KLRF2: variants seen among roughly 807,000 people sequenced by gnomAD.
KLRF2 encodes killer cell lectin-like receptor subfamily F member 2.
KLRF2 carries 28 observed loss-of-function variants against 25.3 expected under a neutral mutation model. That is an observed-to-expected ratio of 1.11 (90% CI 0.82 to 1.52). KLRF2 has a LOEUF of 1.52. Among genes scored for constraint, KLRF2 ranks in the 40% most tolerant of loss-of-function variants. The pLI is 0.00. For synonymous variants in KLRF2, 73 were observed against 85.0 expected (o/e 0.86, Z 0.78); for missense variants, 265 against 245.8 (o/e 1.08, Z -0.52).
intron 3 of KLRF2, 78 bp from the exon 4 acceptor site, chr12:9,892,942 G>A (rs1380912908): frequency 8.8e-7 from 1 of 1,131,994 alleles, no homozygotes; most frequent in Non-Finnish European, 1.2e-6. Context: ...TATTTTCCAA[G>A]TAGTCACATT....
intron 5 of KLRF2, among the ~76,000 whole-genome samples, chr12:9,894,009 T>A (rs1006331763): frequency 3.3e-5 from 5 of 152,072 alleles, no homozygotes; most frequent in African/African-American, 1.2e-4. Context: ...CTTGTTGATA[T>A]CCATTTCTTT....
chr12:9,889,157 A>C (rs1463760631), intron 3 of KLRF2, among the ~76,000 whole-genome samples: 4 of 152,170 alleles, frequency 2.6e-5, no homozygotes, highest in African/African-American at 9.7e-5. Context: ...GAATCAAGAG[A>C]TTTCAGCCAA....
At chr12:9,891,917 C>A (rs1397315173) in intron 3 of KLRF2, among the ~76,000 whole-genome samples, 1 of 152,040 alleles carries the variant, frequency 6.6e-6, no homozygotes, top group Admixed American at 6.5e-5. Context: ...GAAAATATGA[C>A]ATGTTTTAAC....
At position 9,893,601 on chromosome 12, in the gene KLRF2, C is replaced by T. The variant is rs537036924; in HGVS notation, c.479+60C>T. ...TTTATAGAATTATTTTTATATTAAACTTCTTCACTTTCCATTCTTTTTTCC... is the reference window on the plus strand; with the variant it reads ...TTTATAGAATTATTTTTATATTAAATTTCTTCACTTTCCATTCTTTTTTCC... On this transcript the variant is annotated intron_variant, in intron 5 of 5. Transcript: ENST00000535540. The T allele has an allele frequency of 3.1e-4, 177 of 576,460 alleles. No individual in the cohort carries two copies. In the African/African-American group the frequency reaches 3.2e-3, roughly 10 times the overall value. The allele number at this position is 576,460 out of a possible 1,614,324, so 35.7% of individuals were successfully genotyped here.
intron 3 of KLRF2, among the ~76,000 whole-genome samples, chr12:9,890,118 C>T (rs571281393): frequency 2.0e-5 from 3 of 152,226 alleles, no homozygotes; most frequent in South Asian, 2.1e-4. Context: ...AAAGTAGTGA[C>T]TAGATATTAT....
At chr12:9,893,391 A>T (rs751667653) in intron 4 of KLRF2, 38 bp from the exon 5 acceptor site, 41 of 1,058,554 alleles carry the variant, frequency 3.9e-5, no homozygotes, top group Non-Finnish European at 5.5e-5. Context: ...AAATTTTTTT[A>T]AACAAATGAA....
Position 9,885,737 on chromosome 12 carries a change from T to C in KLRF2, c.169+705T>C, listed in dbSNP as rs866484342. Among the ~76,000 whole-genome samples, 6 of 152,184 alleles carry C rather than the reference T, an allele frequency of 3.9e-5. No homozygotes were observed. The South Asian group carries it at 1.2e-3, about 31-fold the overall frequency. On this transcript the variant is annotated intron_variant, in intron 2 of 5. Coordinates refer to ENST00000535540, the MANE Select transcript of KLRF2 (RefSeq NM_001190765.1). ...GACCAAAGATATATCCTACTTAATG[T>C]ATTTTTTCTCTAAATATCAATCATA... is the stretch of plus-strand genomic sequence containing the variant.
At chr12:9,894,495 T>C (rs537762260) in intron 5 of KLRF2, among the ~76,000 whole-genome samples, 2 of 152,300 alleles carry the variant, frequency 1.3e-5, no homozygotes, top group African/African-American at 4.8e-5. Flanking sequence ...TACCTGCTTC[T>C]TTATCTGTAT....
chr12:9,893,067 T>C lies in KLRF2; in HGVS notation c.265T>C (p.Cys89Arg), dbSNP rs1221806869. The C allele has an allele frequency of 2.6e-6, 4 of 1,535,716 alleles. No homozygotes were observed. The highest frequency in any genetic ancestry group is 3.5e-6 in the Non-Finnish European group (4 of 1,146,706). Residue 89 changes from cysteine to arginine, a missense_variant, in exon 4 of 6, where the codon TGT becomes CGT. Cys to Arg is a radical substitution (Grantham distance 180, BLOSUM62 -3). Coordinates refer to ENST00000535540, the MANE Select transcript of KLRF2 (RefSeq NM_001190765.1). ...PNDWLLNEGK[C>R]YWFSTSFKTW... ...TGACTGGCTGTTGAACGAAGGGAAA[T>C]GTTACTGGTTTTCAACTTCTTTTAA...
chr12:9,890,175 G>A (rs750451455), intron 3 of KLRF2, among the ~76,000 whole-genome samples: 12 of 152,038 alleles, frequency 7.9e-5, no homozygotes, highest in Non-Finnish European at 1.5e-4. Context: ...TATAGCTAAA[G>A]GCTCGTTTTG....
Position 9,888,773 on chromosome 12 carries a change from T to C in KLRF2, c.210T>C (p.Ser70=). The C allele has an allele frequency of 1.3e-6, 2 of 1,500,818 alleles. No homozygotes were observed. The highest frequency in any genetic ancestry group is 1.7e-4 in the Middle Eastern group (1 of 5,896). The allele number at this position is 1,500,818 out of a possible 1,614,324, so 93.0% of individuals were successfully genotyped here. ...MDFSQNVNVS[S]LSGHNYLCPN... ...TCTCCCAGAATGTAAACGTCAGCAGTCTATCAGGTAATACTCTTTTTGTTT... is the reference window on the plus strand; with the variant it reads ...TCTCCCAGAATGTAAACGTCAGCAGCCTATCAGGTAATACTCTTTTTGTTT... Residue 70 remains serine, a synonymous_variant, in exon 3 of 6, where the codon AGT becomes AGC. Coordinates refer to ENST00000535540, the MANE Select transcript of KLRF2 (RefSeq NM_001190765.1).
intron 3 of KLRF2, among the ~76,000 whole-genome samples, chr12:9,891,245 A>T (rs1862673244): frequency 6.7e-6 from 1 of 148,358 alleles, no homozygotes; most frequent in Admixed American, 6.8e-5. Flanking sequence ...TGTTATTATT[A>T]TCTAAAGCAT....
intron 3 of KLRF2, among the ~76,000 whole-genome samples, chr12:9,889,549 T>C (rs1862647899): frequency 6.6e-6 from 1 of 152,056 alleles, no homozygotes; most frequent in Non-Finnish European, 1.5e-5. Flanking sequence ...TTTTCCTGGG[T>C]TTTCATCCTG....
In KLRF2 at chr12:9,893,065, A is replaced by G; in HGVS notation, c.263A>G (p.Lys88Arg). 1 of 1,535,870 alleles carries G rather than the reference A, an allele frequency of 6.5e-7. No individual in the cohort carries two copies. ...CPNDWLLNEG[K>R]CYWFSTSFKT... ...AATGACTGGCTGTTGAACGAAGGGA[A>G]ATGTTACTGGTTTTCAACTTCTTTT... is the stretch of plus-strand genomic sequence containing the variant. Residue 88 changes from lysine (K) to arginine (R), a missense_variant, in exon 4 of 6, where the codon AAA becomes AGA. Lys to Arg is a conservative substitution (Grantham distance 26, BLOSUM62 2). Transcript: ENST00000535540.
intron 3 of KLRF2, among the ~76,000 whole-genome samples, chr12:9,889,746 C>A (rs529162131): frequency 1.5e-3 from 221 of 151,684 alleles, no homozygotes; most frequent in African/African-American, 4.9e-3. Flanking sequence ...AACTCCAATA[C>A]GGTAATACAG....
rs1162515149 is a variant in KLRF2 at position 9,890,598 on chromosome 12, T to C, written c.217+1818T>C. ...AATTCTTTAAAGGCAACAGGAGTTATCTCTCTCTTCAGGAAAGGCCTCAAC... is the reference window on the plus strand; with the variant it reads ...AATTCTTTAAAGGCAACAGGAGTTACCTCTCTCTTCAGGAAAGGCCTCAAC... On this transcript the variant is annotated intron_variant, in intron 3 of 5. Coordinates refer to ENST00000535540, the MANE Select transcript of KLRF2 (RefSeq NM_001190765.1). Among the ~76,000 whole-genome samples, 5 of 152,204 alleles carry C rather than the reference T, an allele frequency of 3.3e-5. No individual in the cohort carries two copies. In the East Asian group the frequency reaches 9.6e-4, roughly 29 times the overall value.
intron 5 of KLRF2, among the ~76,000 whole-genome samples, chr12:9,895,393 T>C (rs1028793738): frequency 6.6e-6 from 1 of 152,160 alleles, no homozygotes; most frequent in Non-Finnish European, 1.5e-5. Context: ...AGTGAATGGT[T>C]AGAAGAGATA....
Position 9,893,134 on chromosome 12 carries a change from C to A in KLRF2, c.332C>A (p.Ala111Glu). ...CAACGTGATTGTACACAGCTACAGGCACATTTACTGGTGATTCAAAATTTG... is the reference window on the plus strand; with the variant it reads ...CAACGTGATTGTACACAGCTACAGGAACATTTACTGGTGATTCAAAATTTG... The part of the protein sequence containing the change: ...ESQRDCTQLQ[A>E]HLLVIQNLDE... The change falls in exon 4 of 6, where the codon GCA (alanine) becomes GAA (glutamate). Residue 111 changes from alanine (A) to glutamate (E), a missense_variant. Coordinates refer to ENST00000535540, the MANE Select transcript of KLRF2 (RefSeq NM_001190765.1). 2.0e-6 allele frequency: 3 copies of A among 1,534,544 alleles called. No homozygotes were observed. The highest frequency in any genetic ancestry group is 2.6e-6 in the Non-Finnish European group (3 of 1,146,054).
chr12:9,888,213 G>A lies in KLRF2; in HGVS notation c.170-520G>A, dbSNP rs1006850871. Reference sequence around the variant, plus strand: ...CACATAATATTTAGAATTGCAGGCCGGGCATGGTGGCTCACACCTGTAATC... The same window carrying A: ...CACATAATATTTAGAATTGCAGGCCAGGCATGGTGGCTCACACCTGTAATC... On this transcript the variant is annotated intron_variant, in intron 2 of 5. Transcript: ENST00000535540. 4.0e-5 allele frequency among the ~76,000 whole-genome samples: 6 copies of A among 151,704 alleles called. No homozygotes were observed. In the South Asian group the frequency reaches 6.2e-4, roughly 16 times the overall value.
Sources: allele counts gnomAD v4.1 joint callset (sites outside exome capture counted in the v4.1 genomes callset), GRCh38; gene constraint gnomAD v4.1.1; transcripts MANE v1.5; gene names NCBI Gene and HGNC (gene_info 2026-07-23, HGNC 2026-07-21).